The following SUOX variants were observed in gnomAD, a reference collection of about 807,000 sequenced individuals.
SUOX encodes sulfite oxidase, mitochondrial.
SUOX carries 39 observed loss-of-function variants against 41.9 expected under a neutral mutation model. The ratio of observed to expected loss-of-function variants is 0.93; its 90% CI spans 0.72 to 1.21. The LOEUF (loss-of-function observed/expected upper bound fraction) is 1.21, where lower values mean the gene tolerates loss of function less well. SUOX is among the 50% of genes most tolerant of loss of function. The pLI, the probability that SUOX is intolerant of heterozygous loss-of-function variation, is 0.00. For synonymous variants in SUOX, 220 were observed against 268.4 expected (o/e 0.82, Z 1.76); for missense variants, 633 against 689.5 (o/e 0.92, Z 0.92).
chr12:56,002,789 C>G (rs1890582834), intron 4 of SUOX, 69 bp downstream of exon 4: 3 of 1,591,666 alleles, frequency 1.9e-6, no homozygotes, highest in Admixed American at 3.4e-5. Context: ...TATCCCAGCA[C>G]TATAGGAGGC....
intron 3 of SUOX, 83 bp downstream of exon 3, chr12:56,002,354 A>G: frequency 6.5e-7 from 1 of 1,547,082 alleles, no homozygotes; most frequent in Non-Finnish European, 8.8e-7. Flanking sequence ...CCTTGCAAAT[A>G]AGACAGTTGA....
chr12:56,004,797 T>C lies in SUOX; in HGVS notation c.1408T>C (p.Trp470Arg). The C allele has an allele frequency of 1.2e-6, 2 of 1,614,092 alleles. No individual in the cohort carries two copies. The highest frequency in any genetic ancestry group is 1.7e-6 in the Non-Finnish European group (2 of 1,179,990). The change falls in exon 5 of 5, where the codon TGG becomes CGG. Residue 470 changes from tryptophan (W) to arginine (R), a missense_variant. Trp to Arg is a moderately radical substitution (Grantham distance 101, BLOSUM62 -3). Coordinates refer to ENST00000266971, the MANE Select transcript of SUOX (RefSeq NM_001032386.2). The surrounding 1 kb of genome is among the most constrained non-coding windows in gnomAD (Gnocchi z 4.5). ...TGTGTCTCTGGATGGGGGCCTAACC[T>C]GGCAGGTGGCTAAGCTGGATGGAGA... ...VDVSLDGGLT[W>R]QVAKLDGEEQ...
Position 56,005,417 on chromosome 12 carries a change from T to A in SUOX, c.*390T>A, listed in dbSNP as rs1890706962. On this transcript the variant is annotated 3_prime_UTR_variant, in exon 5 of 5. Coordinates refer to ENST00000266971, the MANE Select transcript of SUOX (RefSeq NM_001032386.2). ...ATGTGTAAGAAAAGTGTATATACTATCTTATACTACCTCTCCAGGTTGCCA... is the reference window on the plus strand; with the variant it reads ...ATGTGTAAGAAAAGTGTATATACTAACTTATACTACCTCTCCAGGTTGCCA... The A allele has an allele frequency of 1.9e-6, 1 of 513,596 alleles. No homozygotes were observed. The highest frequency in any genetic ancestry group is 1.9e-5 in the African/African-American group (1 of 52,784). 31.8% of individuals were successfully genotyped at this position (513,596 alleles called of 1,614,324 possible). A position where few individuals can be genotyped will look rare whatever the true frequency, so the allele number is the denominator to read the frequency against.
chr12:56,005,106 C>A lies in SUOX; in HGVS notation c.*79C>A. ...CAGAAAAATCTTTCCCACCTTTCAACTTCTTGGATCACAACTCTGGCCTTC... is the reference window on the plus strand; with the variant it reads ...CAGAAAAATCTTTCCCACCTTTCAAATTCTTGGATCACAACTCTGGCCTTC... On this transcript the variant is annotated 3_prime_UTR_variant, in exon 5 of 5. Transcript: ENST00000266971. 1 of 1,524,782 alleles carries A rather than the reference C, an allele frequency of 6.6e-7. No individual in the cohort carries two copies. The highest frequency in any genetic ancestry group is 9.0e-7 in the Non-Finnish European group (1 of 1,113,752). The allele number at this position is 1,524,782 out of a possible 1,614,324, so 94.5% of individuals were successfully genotyped here. A position where few individuals can be genotyped will look rare whatever the true frequency, so the allele number is the denominator to read the frequency against.
intron 2 of SUOX, among the ~76,000 whole-genome samples, chr12:56,000,246 G>A (rs1054482756): frequency 2.0e-5 from 3 of 152,230 alleles, no homozygotes; most frequent in Non-Finnish European, 2.9e-5. Flanking sequence ...CACGGCGAAG[G>A]GGGGCTCAGG....
At chr12:56,001,112 ATC>A (rs1890506288) in intron 2 of SUOX, among the ~76,000 whole-genome samples, 4 of 84,882 alleles carry the variant, frequency 4.7e-5, no homozygotes, top group South Asian at 3.4e-4. Flanking sequence ...ATTGTTGTTA[ATC>A]TCTCTTTTTT....
intron 4 of SUOX, chr12:56,002,950 C>T (rs1454879557): frequency 4.0e-6 from 2 of 495,882 alleles, no homozygotes; most frequent in Middle Eastern, 5.8e-4. Context: ...TCACTTAAAC[C>T]CAGGAGGCTA....
intron 2 of SUOX, among the ~76,000 whole-genome samples, chr12:55,999,140 A>G (rs1422762526): frequency 6.6e-6 from 1 of 152,012 alleles, no homozygotes; most frequent in Non-Finnish European, 1.5e-5. Flanking sequence ...TGAGAGAGAG[A>G]CCACATTCAT....
In SUOX at chr12:56,004,018, C is replaced by T. The variant is rs141735896; in HGVS notation, c.629C>T (p.Pro210Leu). ...PELLTENYITPNPIFFTRNHL... is the reference protein window; with the variant it reads ...PELLTENYITLNPIFFTRNHL... Reference sequence around the variant, plus strand: ...CTGCTGACAGAAAACTACATCACACCCAACCCTATCTTCTTCACCCGGAAC... The same window carrying T: ...CTGCTGACAGAAAACTACATCACACTCAACCCTATCTTCTTCACCCGGAAC... The change falls in exon 5 of 5, where the codon CCC (proline) becomes CTC (leucine). Residue 210 changes from proline to leucine, a missense_variant. Pro to Leu is a moderately conservative substitution (Grantham distance 98, BLOSUM62 -3). Coordinates refer to ENST00000266971, the MANE Select transcript of SUOX (RefSeq NM_001032386.2). The surrounding 1 kb of genome is among the most constrained non-coding windows in gnomAD (Gnocchi z 4.5). The T allele has an allele frequency of 4.3e-3, 6,986 of 1,614,130 alleles. 25 individuals are homozygous for T. Among genetic ancestry groups the T allele is most frequent in the Admixed American group, 5.5e-3 (328 of 60,006 alleles).
chr12:55,999,498 T>G (rs1274009820), intron 2 of SUOX: 2 of 154,476 alleles, frequency 1.3e-5, no homozygotes, highest in Non-Finnish European at 2.9e-5. Flanking sequence ...GTCCGGAGTT[T>G]GTTCCTTCTG....
chr12:55,998,252 A>G (rs1592818732), intron 2 of SUOX, among the ~76,000 whole-genome samples: 1 of 152,072 alleles, frequency 6.6e-6, no homozygotes, highest in Admixed American at 6.6e-5. Context: ...GTACAATAAG[A>G]TATTTTGAGG....
rs114820051 is a variant in SUOX at position 56,005,445 on chromosome 12, G to C, written c.*418G>C. The stretch of plus-strand genomic sequence containing the variant: ...TATACTACCTCTCCAGGTTGCCAGA[G>C]AGTTGCGAGGAGAGCAAGGGGCACA... On this transcript the variant is annotated 3_prime_UTR_variant, in exon 5 of 5. Coordinates refer to ENST00000266971, the MANE Select transcript of SUOX (RefSeq NM_001032386.2). 2.1e-6 allele frequency: 1 copy of C among 470,952 alleles called. No homozygotes were observed. The highest frequency in any genetic ancestry group is 1.9e-5 in the African/African-American group (1 of 51,854). 29.2% of individuals were successfully genotyped at this position (470,952 alleles called of 1,614,324 possible). A position where few individuals can be genotyped will look rare whatever the true frequency, so the allele number is the denominator to read the frequency against.
In SUOX at chr12:56,004,993, C is replaced by T; in HGVS notation, c.1604C>T (p.Ala535Val). The change falls in exon 5 of 5, where the codon GCC (alanine) becomes GTC (valine). Residue 535 changes from alanine to valine, a missense_variant. Physicochemically the swap from Ala to Val is moderately conservative, Grantham distance 64. Transcript: ENST00000266971. This position sits in a 1 kb window ranked among gnomAD's most constrained non-coding sequence, Gnocchi z 4.5. ...AACCTGCGAGGTGTTCTCAGCAATG[C>T]CTGGCATCGTGTCCATGTCTATGTC... ...IWNLRGVLSN[A>V]WHRVHVYVSP The T allele has an allele frequency of 6.2e-7, 1 of 1,613,740 alleles. No individual in the cohort carries two copies. The highest frequency in any genetic ancestry group is 8.5e-7 in the Non-Finnish European group (1 of 1,180,034).
chr12:56,002,387 G>C (rs1003106003), intron 3 of SUOX, 116 bp downstream of exon 3: 15 of 1,500,024 alleles, frequency 1.0e-5, no homozygotes, highest in Admixed American at 3.4e-5. Context: ...AGGGAGGACA[G>C]AGAAAGCCAG....
chr12:55,997,963 T>G (rs1890367563), intron 2 of SUOX, among the ~76,000 whole-genome samples: 1 of 152,074 alleles, frequency 6.6e-6, no homozygotes, highest in Non-Finnish European at 1.5e-5. Flanking sequence ...GCAGAAAAAT[T>G]ACCTTCCTTC....
In SUOX at chr12:56,004,958, C is replaced by A. The variant is rs1181150553; in HGVS notation, c.1569C>A (p.Ala523=). 3.1e-6 allele frequency: 5 copies of A among 1,614,060 alleles called. No homozygotes were observed. The highest frequency in any genetic ancestry group is 4.2e-6 in the Non-Finnish European group (5 of 1,180,034). ...DGYNVQPDTV[A]PIWNLRGVLS... ...ACAATGTGCAGCCAGACACCGTGGC[C>A]CCAATCTGGAACCTGCGAGGTGTTC... Residue 523 remains alanine (A), a synonymous_variant, in exon 5 of 5, where the codon GCC becomes GCA. Transcript: ENST00000266971. This position sits in a 1 kb window ranked among gnomAD's most constrained non-coding sequence, Gnocchi z 4.5.
chr12:56,004,628 T>G lies in SUOX; in HGVS notation c.1239T>G (p.Asp413Glu). Residue 413 changes from aspartate to glutamate, a missense_variant, in exon 5 of 5, where the codon GAT (aspartate) becomes GAG (glutamate). By Grantham distance (45) the Asp-to-Glu change is conservative (BLOSUM62 2). Transcript: ENST00000266971. This position sits in a 1 kb window ranked among gnomAD's most constrained non-coding sequence, Gnocchi z 4.5. ...FSPSVDWETV[D>E]FDSAPSIQEL... ...CATCTGTGGACTGGGAGACTGTAGA[T>G]TTTGACTCTGCTCCATCCATTCAGG... is the stretch of plus-strand genomic sequence containing the variant. The G allele has an allele frequency of 6.2e-7, 1 of 1,614,114 alleles. No homozygotes were observed. Among genetic ancestry groups the G allele is most frequent in the South Asian group, 1.1e-5 (1 of 91,086 alleles).
Position 56,002,446 on chromosome 12 carries a change from G to A in SUOX, c.51-97G>A, listed in dbSNP as rs1303942927. Reference sequence around the variant, plus strand: ...TGGAGAAACTAAGTTCCAACTTAAGGAACCAATGGCCAACCAGGGAGAAAG... The same window carrying A: ...TGGAGAAACTAAGTTCCAACTTAAGAAACCAATGGCCAACCAGGGAGAAAG... On this transcript the variant is annotated intron_variant, in intron 3 of 4. Coordinates refer to ENST00000266971, the MANE Select transcript of SUOX (RefSeq NM_001032386.2). 11 of 1,570,312 alleles carry A rather than the reference G, an allele frequency of 7.0e-6. No individual in the cohort carries two copies. In the East Asian group the frequency reaches 2.0e-4, roughly 29 times the overall value.
chr12:56,002,207 T>C lies in SUOX; in HGVS notation c.-10-5T>C, dbSNP rs1373879935. 1 of 1,613,206 alleles carries C rather than the reference T, an allele frequency of 6.2e-7. No homozygotes were observed. Among genetic ancestry groups the C allele is most frequent in the East Asian group, 2.2e-5 (1 of 44,888 alleles). On this transcript the variant is annotated splice_polypyrimidine_tract_variant and splice_region_variant and intron_variant, in intron 2 of 4. Transcript: ENST00000266971. ...TATCTTGATCCCAGAATCTTCCTTC[T>C]ACAGGTCTGCTACAATGCTGCTGCT...
Sources: allele counts gnomAD v4.1 joint callset (sites outside exome capture counted in the v4.1 genomes callset), GRCh38; gene constraint gnomAD v4.1.1; non-coding constraint Gnocchi (gnomAD v3.1); transcripts MANE v1.5; gene names NCBI Gene and HGNC (gene_info 2026-07-23, HGNC 2026-07-21).